Variants in HS6ST2 observed in about 807,000 individuals in gnomAD.
HS6ST2 encodes the protein heparan sulfate 6-O-sulfotransferase 2.
A neutral mutation model predicts 33.0 loss-of-function variants in HS6ST2; 17 were observed. That is an observed-to-expected ratio of 0.52 (90% CI 0.35 to 0.77). The LOEUF (loss-of-function observed/expected upper bound fraction) is 0.77, where lower values mean the gene tolerates loss of function less well. HS6ST2 is among the 30% of genes least tolerant of loss of function. HS6ST2 has a pLI of 0.01. For synonymous variants in HS6ST2, 248 were observed against 237.1 expected (o/e 1.05, Z -0.42); for missense variants, 519 against 551.7 (o/e 0.94, Z 0.59).
At chrX:132,862,143 G>C (rs910281537) in intron 2 of HS6ST2, among the ~76,000 whole-genome samples, 3 of 111,841 alleles carry the variant, frequency 2.7e-5, no homozygotes, top group African/African-American at 9.7e-5. Flanking sequence ...ATTCTTTTGT[G>C]ATGCTCAGTT....
At chrX:132,853,481 G>A (rs187604862) in intron 2 of HS6ST2, among the ~76,000 whole-genome samples, 1 of 110,534 alleles carries the variant, frequency 9.0e-6, no homozygotes, top group East Asian at 2.8e-4. Flanking sequence ...TAAATCTGGA[G>A]TTTACAAAGG....
At chrX:132,763,378 C>T (rs1053022340) in intron 2 of HS6ST2, among the ~76,000 whole-genome samples, 1 of 112,694 alleles carries the variant, frequency 8.9e-6, no homozygotes, top group Non-Finnish European at 1.9e-5. Context: ...GGTATTCTCA[C>T]TGGGCATTCC....
chrX:132,880,125 C>G (rs2066150932), intron 2 of HS6ST2, among the ~76,000 whole-genome samples: 1 of 111,843 alleles, frequency 8.9e-6, no homozygotes, highest in African/African-American at 3.2e-5. Context: ...GTCATTACAC[C>G]ACAAATGTTA....
At chrX:132,900,912 A>T (rs2066420658) in intron 2 of HS6ST2, among the ~76,000 whole-genome samples, 1 of 111,891 alleles carries the variant, frequency 8.9e-6, no homozygotes, top group Non-Finnish European at 1.9e-5. Flanking sequence ...GGTACAAAAA[A>T]AAAGACTCTG....
At chrX:132,733,421 A>G (rs1404180804) in intron 2 of HS6ST2, among the ~76,000 whole-genome samples, 1 of 110,153 alleles carries the variant, frequency 9.1e-6, no homozygotes, top group Non-Finnish European at 1.9e-5. Context: ...CTCTTTCTGG[A>G]CATGGCTTAA....
intron 2 of HS6ST2, among the ~76,000 whole-genome samples, chrX:132,757,131 A>C (rs2064763292): frequency 9.0e-6 from 1 of 111,644 alleles, no homozygotes; most frequent in South Asian, 3.8e-4. Flanking sequence ...CAAAGTCACA[A>C]GGAGCATCCT....
chrX:132,743,620 C>T (rs746464645), intron 2 of HS6ST2, among the ~76,000 whole-genome samples: 5 of 111,501 alleles, frequency 4.5e-5, no homozygotes, highest in East Asian at 5.7e-4. Flanking sequence ...TGAGAGAGGG[C>T]GAGGGAAGTG....
chrX:132,796,237 A>C (rs1431966722), intron 2 of HS6ST2, among the ~76,000 whole-genome samples: 1 of 112,241 alleles, frequency 8.9e-6, no homozygotes, highest in Non-Finnish European at 1.9e-5. Context: ...CTGATTGCCT[A>C]TGGATCTGCA....
intron 2 of HS6ST2, among the ~76,000 whole-genome samples, chrX:132,710,857 GTAGT>G (rs749053752): frequency 9.0e-6 from 1 of 111,370 alleles, no homozygotes; most frequent in East Asian, 2.8e-4. Context: ...TCATAATACT[GTAGT>G]CCCACATCCC....
At chrX:132,830,641 T>C (rs2065580031) in intron 2 of HS6ST2, among the ~76,000 whole-genome samples, 1 of 112,480 alleles carries the variant, frequency 8.9e-6, no homozygotes, top group Non-Finnish European at 1.9e-5. Flanking sequence ...TTCTCCTTTC[T>C]ACCTGTAAGA....
At chrX:132,698,144 A>C (rs1452874138) in intron 3 of HS6ST2, among the ~76,000 whole-genome samples, 2 of 111,382 alleles carry the variant, frequency 1.8e-5, no homozygotes, top group Admixed American at 1.9e-4. Context: ...CCTTTCCTAG[A>C]CTCAAATTGA....
At chrX:132,712,474 A>C (rs995865580) in intron 2 of HS6ST2, among the ~76,000 whole-genome samples, 4 of 112,395 alleles carry the variant, frequency 3.6e-5, no homozygotes, top group Non-Finnish European at 7.5e-5. Context: ...GTGGAGGTGA[A>C]TGGAGGAGCC....
chrX:132,881,664 A>AG (rs1164764851), intron 2 of HS6ST2, among the ~76,000 whole-genome samples: 3 of 111,546 alleles, frequency 2.7e-5, no homozygotes, highest in Non-Finnish European at 5.6e-5. Flanking sequence ...TTTTGTTGTC[A>AG]TTGCTTTTGG....
intron 2 of HS6ST2, among the ~76,000 whole-genome samples, chrX:132,709,812 A>AACACACACACAC (rs60459374): frequency 0.065 from 6,010 of 91,981 alleles, 193 homozygotes; most frequent in South Asian, 0.11. Context: ...GAAAAGACAA[A>AACACACACACAC]ACACACACAC....
chrX:132,822,350 T>A (rs1241234240), intron 2 of HS6ST2, among the ~76,000 whole-genome samples: 1 of 111,058 alleles, frequency 9.0e-6, no homozygotes, highest in East Asian at 2.9e-4. Flanking sequence ...GGACACCCTC[T>A]CTGATATCAG....
At position 132,876,119 on chromosome X, in the gene HS6ST2, A is replaced by T. The variant is rs190503525; in HGVS notation, c.947+80689T>A. On this transcript the variant is annotated intron_variant, in intron 2 of 4. Coordinates refer to ENST00000370833, the MANE Select transcript of HS6ST2 (RefSeq NM_001394073.1). The stretch of plus-strand genomic sequence containing the variant: ...CAGGTCTATAATCAGGTGCTGTGAC[A>T]AATATGTGCTTGCTTGTGTAATCCT... 1.9e-3 allele frequency among the ~76,000 whole-genome samples: 216 copies of T among 111,859 alleles called. 2 individuals carry two copies. Among genetic ancestry groups the T allele is most frequent in the Admixed American group, 0.016 (163 of 10,504 alleles).
chrX:132,958,314 G>T lies in HS6ST2; in HGVS notation c.289C>A (p.Arg97=), dbSNP rs2067111795. 8.4e-7 allele frequency: 1 copy of T among 1,195,725 alleles called. No homozygotes were observed. The highest frequency in any genetic ancestry group is 1.8e-5 in the South Asian group (1 of 56,182). ...CAGCGTCGCCTGAGGACGTGCATCC[G>T]CCTGCGGCGGCCCCGGGACAGCAGC... ...FALLSRGRRR[R]MHVLRRRWDL... Residue 97 remains arginine, a synonymous_variant, in exon 1 of 5, where the codon CGG becomes AGG. Coordinates refer to ENST00000370833, the MANE Select transcript of HS6ST2 (RefSeq NM_001394073.1).
chrX:132,942,502 TCACTCCTATGGGAA>T (rs1291955314), intron 2 of HS6ST2, among the ~76,000 whole-genome samples: 5 of 112,206 alleles, frequency 4.5e-5, no homozygotes, highest in Admixed American at 9.5e-5. Flanking sequence ...AAGAGAATGG[TCACTCCTATGGGAA>T]TGTGCCACTC....
intron 4 of HS6ST2, among the ~76,000 whole-genome samples, chrX:132,642,189 C>T (rs905115779): frequency 8.5e-4 from 94 of 111,081 alleles, no homozygotes; most frequent in African/African-American, 2.9e-3. Context: ...GCCAGTCCCA[C>T]GCATTCACCT....
Sources: gnomAD v4.1 joint callset for allele counts (sites outside exome capture counted in the v4.1 genomes callset) on GRCh38, gnomAD v4.1.1 for gene constraint, MANE v1.5 for transcripts, NCBI Gene and HGNC (gene_info 2026-07-23, HGNC 2026-07-21) for gene names.